Variants in SHANK2 observed in about 807,000 individuals in gnomAD.
The protein encoded by SHANK2 is SH3 and multiple ankyrin repeat domains protein 2.
SHANK2 carries 43 observed loss-of-function variants against 133.7 expected under a neutral mutation model. The observed-to-expected ratio is 0.32, with a 90% CI of 0.25 to 0.41. The LOEUF (loss-of-function observed/expected upper bound fraction) is 0.41. Ranked by LOEUF, SHANK2 falls within the 10% of genes least tolerant of loss-of-function variation. SHANK2 has a pLI of 1.00. For synonymous variants in SHANK2, 1,017 were observed against 952.8 expected (o/e 1.07, Z -1.24); for missense variants, 1,994 against 2,235.8 (o/e 0.89, Z 2.18).
chr11:70,781,766 T>G (rs1460793715), intron 14 of SHANK2, among the ~76,000 whole-genome samples: 1 of 99,436 alleles, frequency 1.0e-5, no homozygotes, highest in Non-Finnish European at 1.9e-5. Context: ...CCCAGTGTGA[T>G]GTTCCAAAGG....
intron 10 of SHANK2, among the ~76,000 whole-genome samples, chr11:70,897,503 C>T (rs1337644048): frequency 6.6e-6 from 1 of 152,204 alleles, no homozygotes; most frequent in Non-Finnish European, 1.5e-5. Flanking sequence ...GAGTTTCCAG[C>T]CTTACCTACT....
intron 2 of SHANK2, among the ~76,000 whole-genome samples, chr11:71,220,323 G>A (rs996190407): frequency 2.6e-5 from 4 of 152,160 alleles, no homozygotes; most frequent in African/African-American, 9.7e-5. Flanking sequence ...GAGCCTTGCT[G>A]GTGGGAATGT....
rs115803680 is a variant in SHANK2 at position 70,613,595 on chromosome 11, C to T, written c.2061+46233G>A. Among the ~76,000 whole-genome samples, 554 of 152,058 alleles carry T rather than the reference C, an allele frequency of 3.6e-3. 1 individual carries two copies. Among genetic ancestry groups the T allele is most frequent in the African/African-American group, 0.013 (533 of 41,466 alleles). ...GCAGTGTTATGAGTTAAACTGTGTC[C>T]CCCAAAAAGAGGTGTGGAAGTCCTC... On this transcript the variant is annotated intron_variant, in intron 17 of 25. Transcript: ENST00000601538.
At chr11:70,613,532 A>G (rs1554994996) in intron 17 of SHANK2, among the ~76,000 whole-genome samples, 1 of 152,038 alleles carries the variant, frequency 6.6e-6, no homozygotes, top group African/African-American at 2.4e-5. Flanking sequence ...AACAAAGTGT[A>G]GAAACTCAAA....
At chr11:71,202,284 G>C (rs1954033951) in intron 2 of SHANK2, among the ~76,000 whole-genome samples, 1 of 152,156 alleles carries the variant, frequency 6.6e-6, no homozygotes, top group African/African-American at 2.4e-5. Context: ...TCCCCTCAGG[G>C]CCTAGACAGG....
At chr11:71,083,675 T>C (rs1951332889) in intron 8 of SHANK2, among the ~76,000 whole-genome samples, 1 of 152,080 alleles carries the variant, frequency 6.6e-6, no homozygotes, top group Non-Finnish European at 1.5e-5. Context: ...GTTCAGCACA[T>C]GGAAACGCAG....
chr11:70,693,962 T>C (rs541271419), intron 15 of SHANK2, among the ~76,000 whole-genome samples: 1 of 152,196 alleles, frequency 6.6e-6, no homozygotes, highest in Non-Finnish European at 1.5e-5. Flanking sequence ...GAAAGATAAA[T>C]GGCTGAGTGA....
At chr11:70,928,586 T>C (rs1188360965) in intron 10 of SHANK2, among the ~76,000 whole-genome samples, 1 of 152,076 alleles carries the variant, frequency 6.6e-6, no homozygotes, top group East Asian at 1.9e-4. Flanking sequence ...GAAAAAGGCA[T>C]TTGTTTCAAA....
At chr11:70,797,854 C>CA (rs1555049512) in intron 14 of SHANK2, among the ~76,000 whole-genome samples, 1 of 151,752 alleles carries the variant, frequency 6.6e-6, no homozygotes, top group Non-Finnish European at 1.5e-5. Flanking sequence ...CACACACACA[C>CA]ACACACACAC....
At chr11:70,700,774 C>T (rs772831478) in intron 14 of SHANK2, among the ~76,000 whole-genome samples, 5 of 152,162 alleles carry the variant, frequency 3.3e-5, no homozygotes, top group Admixed American at 6.5e-5. Context: ...GGGGATGGGG[C>T]GAAGGAGGAG....
chr11:70,807,269 G>T lies in SHANK2; in HGVS notation c.1494-98C>A, dbSNP rs947876985. The T allele has an allele frequency of 1.5e-6, 1 of 669,644 alleles. No individual in the cohort carries two copies. Among genetic ancestry groups the T allele is most frequent in the African/African-American group, 1.8e-5 (1 of 55,080 alleles). The allele number at this position is 669,644 out of a possible 1,614,324, so 41.5% of individuals were successfully genotyped here. On this transcript the variant is annotated intron_variant, in intron 12 of 25. Coordinates refer to ENST00000601538, the MANE Select transcript of SHANK2 (RefSeq NM_012309.5). The surrounding 1 kb of genome is among the most constrained non-coding windows in gnomAD (Gnocchi z 4.8). The stretch of plus-strand genomic sequence containing the variant: ...AGCCAAGCCATTCAACGCATGCTGC[G>T]CCTCGGCTGGCCGCATCAGAACTCC...
At chr11:70,579,860 G>T (rs534344875) in intron 17 of SHANK2, among the ~76,000 whole-genome samples, 1 of 152,210 alleles carries the variant, frequency 6.6e-6, no homozygotes, top group African/African-American at 2.4e-5. Flanking sequence ...GGTGAGGATG[G>T]AAGCAGAAGT....
At chr11:70,682,979 A>G (rs7949074) in intron 15 of SHANK2, among the ~76,000 whole-genome samples, 22,931 of 151,898 alleles carry the variant, frequency 0.15, 2,939 homozygotes, top group African/African-American at 0.35. Flanking sequence ...TGGCTGGAGA[A>G]GGGCAAAGCT....
intron 12 of SHANK2, among the ~76,000 whole-genome samples, chr11:70,811,756 TCCATCCACCATCCAG>T (rs1215446393): frequency 2.0e-5 from 3 of 149,896 alleles, no homozygotes; most frequent in Non-Finnish European, 3.0e-5. Context: ...CCATCATCTA[TCCATCCACCATCCAG>T]CCATCCATCC....
intron 2 of SHANK2, among the ~76,000 whole-genome samples, chr11:71,216,205 A>G (rs1954410559): frequency 6.6e-6 from 1 of 152,226 alleles, no homozygotes; most frequent in African/African-American, 2.4e-5. Flanking sequence ...AAAAGTGGGA[A>G]CAACCCAAAT....
intron 17 of SHANK2, chr11:70,571,169 C>G (rs2060040989): frequency 6.6e-6 from 1 of 152,216 alleles, no homozygotes; most frequent in South Asian, 2.1e-4. Flanking sequence ...ACTCTGGGGT[C>G]AAGGCTGGGC....
chr11:70,617,455 C>T (rs543727304), intron 17 of SHANK2, among the ~76,000 whole-genome samples: 2 of 151,382 alleles, frequency 1.3e-5, no homozygotes, highest in East Asian at 1.9e-4. Flanking sequence ...GAAAGAAACG[C>T]GAGGAACGGA....
rs1481298577 is a variant in SHANK2, at chr11:70,502,432, G to A, written c.2198-146C>T. On this transcript the variant is annotated intron_variant, in intron 18 of 25. Coordinates refer to ENST00000601538, the MANE Select transcript of SHANK2 (RefSeq NM_012309.5). ...GGGATTGTGCAGGTGTGCTTATGAT[G>A]GGAAAGGACAGGTGCTCAGGAGGAT... 1.1e-5 allele frequency: 8 copies of A among 761,756 alleles called. No homozygotes were observed. In the Admixed American group the frequency reaches 1.6e-4, roughly 15 times the overall value. 47.2% of individuals were successfully genotyped at this position (761,756 alleles called of 1,614,324 possible). A position where few individuals can be genotyped will look rare whatever the true frequency, so the allele number is the denominator to read the frequency against.
At chr11:70,708,858 G>T (rs1945720089) in intron 14 of SHANK2, among the ~76,000 whole-genome samples, 1 of 152,144 alleles carries the variant, frequency 6.6e-6, no homozygotes, top group African/African-American at 2.4e-5. Context: ...CTGAAGAGGG[G>T]ATTGAAAGGC....
Sources: gnomAD v4.1 joint callset for allele counts (sites outside exome capture counted in the v4.1 genomes callset) on GRCh38, gnomAD v4.1.1 for gene constraint, Gnocchi (gnomAD v3.1) non-coding constraint, MANE v1.5 for transcripts, NCBI Gene and HGNC (gene_info 2026-07-23, HGNC 2026-07-21) for gene names.